The following RPS6KC1 variants were observed in gnomAD, a reference collection of about 807,000 sequenced individuals.
The protein encoded by RPS6KC1 is inactive ribosomal protein S6 kinase delta-1.
In RPS6KC1, 54 loss-of-function variants were observed where a neutral mutation model predicts 103.8. The observed-to-expected ratio is 0.52, with a 90% CI of 0.42 to 0.65. The LOEUF (loss-of-function observed/expected upper bound fraction) is 0.65. RPS6KC1 is among the 30% of genes least tolerant of loss of function. The pLI, the probability that RPS6KC1 is intolerant of heterozygous loss-of-function variation, is 0.00. For missense variants in RPS6KC1, 1,151 were observed against 1,253.8 expected, an observed-to-expected ratio of 0.92 and a Z score of 1.24; for synonymous variants, 439 against 438.7, an observed-to-expected ratio of 1.00 and a Z score of -0.01.
At chr1:213,427,289 C>CT in the RPS6KC1 span, among the ~76,000 whole-genome samples, 507 of 152,326 alleles carry the variant, frequency 3.3e-3, 2 homozygotes, top group South Asian at 0.017. Context: ...AAGATGCTGT[C>CT]ACTGCATCAT....
At chr1:213,694,796 T>C in the RPS6KC1 span, among the ~76,000 whole-genome samples, 35 of 152,222 alleles carry the variant, frequency 2.3e-4, no homozygotes, top group Admixed American at 1.3e-4. Flanking sequence ...CAGCCAGTAA[T>C]ATTCTGCAAC....
the RPS6KC1 span, among the ~76,000 whole-genome samples, chr1:213,448,790 A>G: frequency 6.6e-6 from 1 of 152,032 alleles, no homozygotes; most frequent in Non-Finnish European, 1.5e-5. Flanking sequence ...AAAAAGGAAA[A>G]AAATCTCTGG....
At chr1:213,113,272 A>C (rs1011690637) in intron 4 of RPS6KC1, among the ~76,000 whole-genome samples, 17 of 151,390 alleles carry the variant, frequency 1.1e-4, no homozygotes, top group African/African-American at 3.9e-4. Context: ...GTGTGAGATG[A>C]TATCTCATTG....
At chr1:213,210,778 C>T (rs932548593) in intron 8 of RPS6KC1, among the ~76,000 whole-genome samples, 1 of 152,204 alleles carries the variant, frequency 6.6e-6, no homozygotes, top group African/African-American at 2.4e-5. Flanking sequence ...TTAAAGCTTC[C>T]TTGCCCTTGA....
intron 3 of RPS6KC1, among the ~76,000 whole-genome samples, chr1:213,092,498 C>T (rs951258674): frequency 4.5e-5 from 6 of 134,052 alleles, no homozygotes; most frequent in South Asian, 2.7e-4. Flanking sequence ...GGTGAAACCC[C>T]GTCTCTACTA....
chr1:213,116,229 G>T (rs1572629599), intron 4 of RPS6KC1, among the ~76,000 whole-genome samples: 3 of 152,022 alleles, frequency 2.0e-5, no homozygotes, highest in African/African-American at 7.2e-5. Flanking sequence ...TTATGAATCT[G>T]GGTGCTCCTG....
At chr1:213,595,758 A>G in the RPS6KC1 span, among the ~76,000 whole-genome samples, 1 of 152,232 alleles carries the variant, frequency 6.6e-6, no homozygotes, top group Non-Finnish European at 1.5e-5. Flanking sequence ...ATAATTTGAC[A>G]TTGAACTGTG....
At chr1:213,064,747 G>A (rs2078159262) in intron 1 of RPS6KC1, among the ~76,000 whole-genome samples, 3 of 138,578 alleles carry the variant, frequency 2.2e-5, no homozygotes, top group Admixed American at 1.6e-4. Flanking sequence ...GCGTGATCTC[G>A]GCTCACTGCA....
chr1:213,236,125 T>A (rs1558599737), intron 10 of RPS6KC1, among the ~76,000 whole-genome samples: 1 of 152,154 alleles, frequency 6.6e-6, no homozygotes, highest in East Asian at 1.9e-4. Context: ...ACACTCCTTA[T>A]GGGAATCTAA....
intron 4 of RPS6KC1, among the ~76,000 whole-genome samples, chr1:213,104,981 A>G (rs995974414): frequency 1.3e-5 from 2 of 152,164 alleles, no homozygotes; most frequent in Non-Finnish European, 2.9e-5. Flanking sequence ...ATGAAGCATC[A>G]TAAAACTCTA....
intron 8 of RPS6KC1, among the ~76,000 whole-genome samples, chr1:213,199,656 G>A (rs951120807): frequency 2.6e-5 from 4 of 152,148 alleles, no homozygotes; most frequent in Admixed American, 6.5e-5. Context: ...GGGTAATCAG[G>A]CAAGAGAAAG....
At chr1:213,465,216 G>T in the RPS6KC1 span, among the ~76,000 whole-genome samples, 1 of 152,122 alleles carries the variant, frequency 6.6e-6, no homozygotes, top group Non-Finnish European at 1.5e-5. Context: ...TGCAGGTGTT[G>T]CTCTAGGGAA....
the RPS6KC1 span, among the ~76,000 whole-genome samples, chr1:213,448,401 C>T: frequency 1.3e-5 from 2 of 152,106 alleles, no homozygotes; most frequent in African/African-American, 2.4e-5. Flanking sequence ...TCGAAACCCC[C>T]GGATGATTCT....
intron 6 of RPS6KC1, among the ~76,000 whole-genome samples, chr1:213,154,653 G>T (rs1161145863): frequency 6.6e-6 from 1 of 152,204 alleles, no homozygotes; most frequent in Non-Finnish European, 1.5e-5. Flanking sequence ...AGGGTAGTGG[G>T]TTCCCCACTG....
At chr1:213,322,321 T>A in the RPS6KC1 span, among the ~76,000 whole-genome samples, 1 of 151,978 alleles carries the variant, frequency 6.6e-6, no homozygotes. Flanking sequence ...GAGGGCTAGG[T>A]CAGGTAGGCC....
the RPS6KC1 span, among the ~76,000 whole-genome samples, chr1:213,657,220 G>A: frequency 1.3e-5 from 2 of 152,088 alleles, no homozygotes; most frequent in Non-Finnish European, 2.9e-5. Flanking sequence ...CGAGTACAGA[G>A]GCAGCCAGGG....
In RPS6KC1 at chr1:213,072,931, C is replaced by T. The variant is rs574527372; in HGVS notation, c.141+1890C>T. 1.3e-3 allele frequency: 1,306 copies of T among 980,818 alleles called. 5 individuals carry two copies. The highest frequency in any genetic ancestry group is 0.011 in the South Asian group (227 of 21,188). The allele number at this position is 980,818 out of a possible 1,614,324, so 60.8% of individuals were successfully genotyped here. ...TCTGCCATTTTCTTAGTCCTTTTTT[C>T]GGGAAAACTCTTTTATAATAACAAC... On this transcript the variant is annotated intron_variant, in intron 2 of 14. Coordinates refer to ENST00000366960, the MANE Select transcript of RPS6KC1 (RefSeq NM_012424.6).
the RPS6KC1 span, among the ~76,000 whole-genome samples, chr1:213,636,924 A>T: frequency 2.0e-5 from 3 of 152,208 alleles, no homozygotes; most frequent in African/African-American, 7.2e-5. Flanking sequence ...TTAGAAGAAA[A>T]AAAACAACCC....
chr1:213,201,344 A>G (rs2093155752), intron 8 of RPS6KC1, among the ~76,000 whole-genome samples: 1 of 152,248 alleles, frequency 6.6e-6, no homozygotes, highest in Admixed American at 6.5e-5. Flanking sequence ...TAATTGAAAG[A>G]TGACAACATG....
Sources: gnomAD v4.1 joint callset for allele counts (sites outside exome capture counted in the v4.1 genomes callset) on GRCh38, gnomAD v4.1.1 for gene constraint, MANE v1.5 for transcripts, NCBI Gene and HGNC (gene_info 2026-07-23, HGNC 2026-07-21) for gene names.